Variants in HOPX observed in about 807,000 individuals in gnomAD.
HOPX encodes the protein homeodomain-only protein.
A neutral mutation model predicts 11.8 loss-of-function variants in HOPX; 5 were observed. The observed-to-expected ratio is 0.43, with a 90% CI of 0.22 to 0.89. The LOEUF is 0.89. Ranked by LOEUF, HOPX falls within the 40% of genes least tolerant of loss-of-function variation. The probability of loss-of-function intolerance (pLI) is 0.28; values close to 1 mark genes in which losing one functional copy is unlikely to be tolerated. For missense variants in HOPX, 119 were observed against 120.0 expected (o/e 0.99, Z 0.04); for synonymous variants, 49 against 49.7 (o/e 0.99, Z 0.06).
chr4:56,678,438 A>ATTTTTTT (rs57921708), intron 1 of HOPX, among the ~76,000 whole-genome samples: 1 of 100,270 alleles, frequency 1.0e-5, no homozygotes, highest in African/African-American at 4.3e-5. Context: ...CTAGTCACTG[A>ATTTTTTT]TTTTTTTTTT....
intron 1 of HOPX, among the ~76,000 whole-genome samples, chr4:56,660,873 G>A (rs1024903719): frequency 4.6e-5 from 7 of 151,698 alleles, no homozygotes; most frequent in African/African-American, 1.5e-4. Context: ...TTTTTTTCCC[G>A]GAGTCCCATC....
intron 1 of HOPX, among the ~76,000 whole-genome samples, chr4:56,660,328 C>T (rs1718039816): frequency 6.6e-6 from 1 of 152,136 alleles, no homozygotes; most frequent in Non-Finnish European, 1.5e-5. Flanking sequence ...AGCATCATTG[C>T]TACCTTTACG....
Position 56,648,358 on chromosome 4 carries a change from T to G in HOPX, c.*362A>C. 5.4e-6 allele frequency: 1 copy of G among 186,556 alleles called. No individual in the cohort carries two copies. The highest frequency in any genetic ancestry group is 1.1e-5 in the Non-Finnish European group (1 of 91,158). 11.6% of individuals were successfully genotyped at this position (186,556 alleles called of 1,614,324 possible). A position where few individuals can be genotyped will look rare whatever the true frequency, so the allele number is the denominator to read the frequency against. On this transcript the variant is annotated 3_prime_UTR_variant, in exon 4 of 4. Coordinates refer to ENST00000420433, the MANE Select transcript of HOPX (RefSeq NM_032495.6). ...TTCCCTTCTCCCTCATATTATCTTTTCAACAGAGGCCTGGATTGCTAAATG... is the reference window on the plus strand; with the variant it reads ...TTCCCTTCTCCCTCATATTATCTTTGCAACAGAGGCCTGGATTGCTAAATG...
chr4:56,673,406 AG>A (rs1023714212), intron 1 of HOPX, among the ~76,000 whole-genome samples: 1 of 152,208 alleles, frequency 6.6e-6, no homozygotes, highest in Non-Finnish European at 1.5e-5. Context: ...AACAAAAAAA[AG>A]GGCTTTAAAA....
At chr4:56,659,577 T>C (rs995301955) in intron 1 of HOPX, 3 of 152,198 alleles carry the variant, frequency 2.0e-5, no homozygotes, top group Non-Finnish European at 4.4e-5. Context: ...AATTGTTCTT[T>C]TAAGTATAAA....
chr4:56,659,725 A>G (rs1220644661), intron 1 of HOPX, among the ~76,000 whole-genome samples: 1 of 152,214 alleles, frequency 6.6e-6, no homozygotes, highest in African/African-American at 2.4e-5. Flanking sequence ...GAGACACAAA[A>G]AGTATTTCAG....
intron 2 of HOPX, chr4:56,656,420 G>T (rs1185062457): frequency 1.0e-6 from 1 of 991,050 alleles, no homozygotes; most frequent in Non-Finnish European, 1.2e-6. Context: ...CTCCCGAAAG[G>T]GGGACCTCCC....
intron 1 of HOPX, among the ~76,000 whole-genome samples, chr4:56,660,338 G>T (rs967911215): frequency 1.3e-5 from 2 of 151,920 alleles, no homozygotes; most frequent in African/African-American, 4.8e-5. Flanking sequence ...CTACCTTTAC[G>T]GGAACAAGAT....
At chr4:56,672,538 TA>T (rs879443998) in intron 1 of HOPX, 316 of 138,364 alleles carry the variant, frequency 2.3e-3, no homozygotes, top group Admixed American at 2.9e-3. Flanking sequence ...AACTTTGTCT[TA>T]AAAAAAAAAA....
chr4:56,681,506 C>T (rs1719323983), upstream of HOPX: 2 of 998,516 alleles, frequency 2.0e-6, no homozygotes, highest in Non-Finnish European at 2.4e-6. Context: ...CTGAGAGTCT[C>T]ATGGAACTTT....
In HOPX at chr4:56,657,212, G is replaced by GTAT. The variant is rs1322887229; in HGVS notation, c.42+560_42+562dup. Among the ~76,000 whole-genome samples the GTAT allele has an allele frequency of 3.9e-5, 6 of 152,306 alleles. No individual in the cohort carries two copies. The South Asian group carries it at 1.0e-3, about 26-fold the overall frequency. ...TCCTGCTAATTTAAGATGCATGAAG[G>GTAT]TATAGAAAGTTGGAGTCTTCAAGAT... On this transcript the variant is annotated intron_variant, in intron 2 of 3. Transcript: ENST00000420433.
intron 1 of HOPX, chr4:56,676,712 T>G (rs1231672581): frequency 1.3e-5 from 2 of 151,812 alleles, no homozygotes; most frequent in Admixed American, 1.3e-4. Context: ...AAGATGGAGC[T>G]CGCCTTCACC....
chr4:56,650,583 A>G (rs1717065171), intron 3 of HOPX: 22 of 1,307,700 alleles, frequency 1.7e-5, no homozygotes, highest in South Asian at 5.3e-5. Flanking sequence ...ATCAATGCTA[A>G]GCAGGCTGAA....
At chr4:56,674,993 A>G (rs1718936022) in intron 1 of HOPX, among the ~76,000 whole-genome samples, 2 of 151,194 alleles carry the variant, frequency 1.3e-5, no homozygotes, top group Admixed American at 1.3e-4. Flanking sequence ...TGCTGGGATT[A>G]TAGGCACAAA....
chr4:56,669,211 A>T (rs756158937), intron 1 of HOPX, among the ~76,000 whole-genome samples: 3 of 152,184 alleles, frequency 2.0e-5, no homozygotes, highest in African/African-American at 2.4e-5. Flanking sequence ...AAGAACACAG[A>T]GGCCTATTCT....
Position 56,648,396 on chromosome 4 carries a change from A to C in HOPX, c.*324T>G, listed in dbSNP as rs1716848882. 1 of 240,994 alleles carries C rather than the reference A, an allele frequency of 4.1e-6. No individual in the cohort carries two copies. Among genetic ancestry groups the C allele is most frequent in the African/African-American group, 2.2e-5 (1 of 44,844 alleles). 14.9% of individuals were successfully genotyped at this position (240,994 alleles called of 1,614,324 possible). On this transcript the variant is annotated 3_prime_UTR_variant, in exon 4 of 4. Transcript: ENST00000420433. ...GGATTGCTAAATGGATTATGAAAGCAAATTGCTACTGGGAGGTGATGGTCA... is the reference window on the plus strand; with the variant it reads ...GGATTGCTAAATGGATTATGAAAGCCAATTGCTACTGGGAGGTGATGGTCA...
chr4:56,681,671 T>G (rs1719329564), upstream of HOPX: 1 of 1,000,086 alleles, frequency 1.0e-6, no homozygotes, highest in Middle Eastern at 5.2e-4. Flanking sequence ...AGTTTCCAGT[T>G]AGATGTTGCC....
chr4:56,650,765 G>T (rs753973154), intron 3 of HOPX: 3 of 1,551,056 alleles, frequency 1.9e-6, no homozygotes, highest in Non-Finnish European at 2.6e-6. Context: ...CTCTTTGGGG[G>T]CTACTTTCTG....
In HOPX at chr4:56,681,275, C is replaced by G. The variant is rs535228741; in HGVS notation, c.-104G>C. The G allele has an allele frequency of 7.1e-6, 7 of 985,360 alleles. No individual in the cohort carries two copies. The highest frequency in any genetic ancestry group is 8.4e-6 in the Non-Finnish European group (7 of 829,922). The allele number at this position is 985,360 out of a possible 1,614,324, so 61.0% of individuals were successfully genotyped here. Reference sequence around the variant, plus strand: ...CTTACGTGGAAGAGGCAAAGGCAAGCGCAAGCCCTGGGTTTGGAAGCTGTG... The same window carrying G: ...CTTACGTGGAAGAGGCAAAGGCAAGGGCAAGCCCTGGGTTTGGAAGCTGTG... On this transcript the variant is annotated 5_prime_UTR_variant, in exon 1 of 4. Transcript: ENST00000420433.
Sources: allele counts gnomAD v4.1 joint callset (sites outside exome capture counted in the v4.1 genomes callset), GRCh38; gene constraint gnomAD v4.1.1; transcripts MANE v1.5; gene names NCBI Gene and HGNC (gene_info 2026-07-23, HGNC 2026-07-21).